The following ARHGAP26 variants were observed in gnomAD, a reference collection of about 807,000 sequenced individuals.
ARHGAP26 encodes Rho GTPase activating protein 26.
A neutral mutation model predicts 104.8 loss-of-function variants in ARHGAP26; 38 were observed. The ratio of observed to expected loss-of-function variants is 0.36; its 90% CI spans 0.28 to 0.48. ARHGAP26 has a LOEUF of 0.48. Ranked by LOEUF, ARHGAP26 falls within the 20% of genes least tolerant of loss-of-function variation. The pLI is 0.99. For missense variants in ARHGAP26, 704 were observed against 947.9 expected (o/e 0.74, Z 3.38); for synonymous variants, 341 against 340.0 (o/e 1.00, Z -0.03).
intron 13 of ARHGAP26, among the ~76,000 whole-genome samples, chr5:143,041,365 A>G (rs1407208676): frequency 6.6e-6 from 1 of 152,190 alleles, no homozygotes; most frequent in Admixed American, 6.5e-5. Flanking sequence ...CCTTAAAATT[A>G]AAAACATTCT....
At chr5:143,132,679 G>C (rs1396264277) in intron 18 of ARHGAP26, among the ~76,000 whole-genome samples, 1 of 152,048 alleles carries the variant, frequency 6.6e-6, no homozygotes, top group Non-Finnish European at 1.5e-5. Context: ...CTTAGTGCCT[G>C]GTGTGGCAAG....
At chr5:142,947,503 C>A in intron 11 of ARHGAP26, among the ~76,000 whole-genome samples, 1 of 152,268 alleles carries the variant, frequency 6.6e-6, no homozygotes, top group South Asian at 2.1e-4. Flanking sequence ...TAGTTCTTAC[C>A]TCTGTGTGTT....
intron 20 of ARHGAP26, 149 bp from the exon 21 acceptor site, chr5:143,207,049 A>G: frequency 1.2e-6 from 1 of 850,136 alleles, no homozygotes; most frequent in Non-Finnish European, 1.8e-6. Flanking sequence ...GGTCTGGAGG[A>G]ATGTGACATG....
intron 12 of ARHGAP26, among the ~76,000 whole-genome samples, chr5:143,025,182 A>G (rs898194456): frequency 1.3e-5 from 2 of 152,140 alleles, no homozygotes; most frequent in Non-Finnish European, 2.9e-5. Context: ...GCATTGCCTT[A>G]TTTGATTTTC....
At chr5:142,783,569 A>G (rs1317865242) in intron 1 of ARHGAP26, among the ~76,000 whole-genome samples, 1 of 152,056 alleles carries the variant, frequency 6.6e-6, no homozygotes, top group Non-Finnish European at 1.5e-5. Flanking sequence ...GGAGAGGAGG[A>G]GAGAGACTGG....
intron 9 of ARHGAP26, among the ~76,000 whole-genome samples, chr5:142,911,142 C>T (rs1170164206): frequency 2.0e-5 from 3 of 152,144 alleles, no homozygotes; most frequent in Non-Finnish European, 4.4e-5. Flanking sequence ...TCCCTGCATC[C>T]TACACTCTGA....
intron 20 of ARHGAP26, among the ~76,000 whole-genome samples, chr5:143,205,845 A>G (rs552265142): frequency 2.5e-4 from 38 of 152,366 alleles, no homozygotes; most frequent in Middle Eastern, 3.4e-3. Flanking sequence ...TGTTAAATAT[A>G]GTACCTACAG....
chr5:143,138,909 C>CTGTCATT (rs1360015424), intron 19 of ARHGAP26, among the ~76,000 whole-genome samples: 1 of 152,192 alleles, frequency 6.6e-6, no homozygotes, highest in African/African-American at 2.4e-5. Flanking sequence ...GATTTGAACC[C>CTGTCATT]TGTCATTCTA....
chr5:142,821,562 C>A (rs1223886838), intron 1 of ARHGAP26, among the ~76,000 whole-genome samples: 1 of 152,032 alleles, frequency 6.6e-6, no homozygotes, highest in Non-Finnish European at 1.5e-5. Flanking sequence ...AATTATCATT[C>A]CTGGACCAGC....
At chr5:143,025,463 C>T (rs1220748199) in intron 12 of ARHGAP26, among the ~76,000 whole-genome samples, 2 of 152,314 alleles carry the variant, frequency 1.3e-5, no homozygotes, top group South Asian at 4.1e-4. Flanking sequence ...CACTTCCACC[C>T]TCAGAAAGCT....
intron 17 of ARHGAP26, among the ~76,000 whole-genome samples, chr5:143,105,422 TATAA>T (rs1444308857): frequency 6.6e-6 from 1 of 150,678 alleles, no homozygotes; most frequent in Non-Finnish European, 1.5e-5. Flanking sequence ...AATAAATAAA[TATAA>T]AAATAGGTCT....
chr5:143,119,762 G>A (rs6580271), intron 17 of ARHGAP26, among the ~76,000 whole-genome samples: 27,814 of 151,990 alleles, frequency 0.18, 5,320 homozygotes, highest in African/African-American at 0.48. Flanking sequence ...TTTAGAGGAG[G>A]AAGTTAAACT....
intron 1 of ARHGAP26, chr5:142,772,886 GT>G (rs776792484): frequency 8.4e-5 from 45 of 533,346 alleles, no homozygotes; most frequent in Non-Finnish European, 1.7e-4. Flanking sequence ...CCTACCACTA[GT>G]TTTTGGGGGC....
intron 11 of ARHGAP26, among the ~76,000 whole-genome samples, chr5:142,985,281 AAG>A (rs200489566): frequency 0.025 from 3,829 of 152,302 alleles, 72 homozygotes; most frequent in Middle Eastern, 0.051. Flanking sequence ...AAAAATTAAA[AAG>A]GTTGTAAAGT....
intron 17 of ARHGAP26, among the ~76,000 whole-genome samples, chr5:143,106,582 C>T (rs1365818484): frequency 1.4e-5 from 2 of 145,028 alleles, no homozygotes; most frequent in Admixed American, 7.4e-5. Context: ...AGGCGATTCT[C>T]CTGCCTCAGC....
chr5:142,852,452 A>G (rs1269192338), intron 1 of ARHGAP26, among the ~76,000 whole-genome samples: 5 of 152,252 alleles, frequency 3.3e-5, no homozygotes, highest in African/African-American at 1.2e-4. Context: ...TCTTAAAACC[A>G]TCCTTCTAAC....
At chr5:143,012,744 C>G (rs866482450) in intron 11 of ARHGAP26, among the ~76,000 whole-genome samples, 7 of 149,396 alleles carry the variant, frequency 4.7e-5, no homozygotes, top group Admixed American at 6.7e-5. Flanking sequence ...AGCTCGACCT[C>G]CTGGGTTCAT....
chr5:143,182,774 A>G (rs1386043852), intron 20 of ARHGAP26, among the ~76,000 whole-genome samples: 1 of 152,188 alleles, frequency 6.6e-6, no homozygotes, highest in Non-Finnish European at 1.5e-5. Flanking sequence ...CTCTTAAGTA[A>G]ACAGTCACTC....
chr5:143,072,611 A>G (rs1358422314), intron 17 of ARHGAP26, among the ~76,000 whole-genome samples: 2 of 152,274 alleles, frequency 1.3e-5, no homozygotes, highest in African/African-American at 4.8e-5. Flanking sequence ...AGCAACATGG[A>G]TGGAACTGAA....
Sources: allele counts gnomAD v4.1 joint callset (sites outside exome capture counted in the v4.1 genomes callset), GRCh38; gene constraint gnomAD v4.1.1; transcripts MANE v1.5; gene names NCBI Gene and HGNC (gene_info 2026-07-23, HGNC 2026-07-21).